The following PRUNE2 variants were observed in gnomAD, a reference collection of about 807,000 sequenced individuals.
The protein encoded by PRUNE2 is protein prune homolog 2.
Under a neutral mutation model 252.0 loss-of-function variants are expected in PRUNE2, and 164 were observed. The ratio of observed to expected loss-of-function variants is 0.65; its 90% CI spans 0.57 to 0.74. PRUNE2 has a LOEUF of 0.74. Among genes scored for constraint, PRUNE2 ranks in the 30% least tolerant of loss-of-function variants. The probability of loss-of-function intolerance (pLI) is 0.00; values close to 1 mark genes in which losing one functional copy is unlikely to be tolerated. For missense variants in PRUNE2, 3,495 were observed against 3,711.0 expected, an observed-to-expected ratio of 0.94 and a Z score of 1.51; for synonymous variants, 1,292 against 1,350.2, an observed-to-expected ratio of 0.96 and a Z score of 0.94.
intron 15 of PRUNE2, among the ~76,000 whole-genome samples, chr9:76,631,432 G>C (rs1199569115): frequency 6.6e-6 from 1 of 152,110 alleles, no homozygotes; most frequent in East Asian, 1.9e-4. Flanking sequence ...AACTCACCTG[G>C]AGGGAAGGCC....
At chr9:76,886,171 C>G (rs187629292) in intron 1 of PRUNE2, among the ~76,000 whole-genome samples, 178 of 147,390 alleles carry the variant, frequency 1.2e-3, no homozygotes, top group African/African-American at 4.3e-3. Context: ...GGCGACAGAG[C>G]GAGACTCCGT....
At chr9:76,766,194 A>C (rs921290227) in intron 6 of PRUNE2, among the ~76,000 whole-genome samples, 4 of 151,826 alleles carry the variant, frequency 2.6e-5, no homozygotes, top group Admixed American at 6.6e-5. Flanking sequence ...AAAAAAAAAA[A>C]AAAACTCTTT....
At chr9:76,755,192 ATG>A (rs575444607) in intron 6 of PRUNE2, among the ~76,000 whole-genome samples, 4 of 152,082 alleles carry the variant, frequency 2.6e-5, no homozygotes, top group Non-Finnish European at 4.4e-5. Flanking sequence ...TTAATTGTTT[ATG>A]TGTTTGCTAT....
At chr9:76,665,348 G>A (rs1047224185) in intron 9 of PRUNE2, among the ~76,000 whole-genome samples, 2 of 151,932 alleles carry the variant, frequency 1.3e-5, no homozygotes, top group African/African-American at 2.4e-5. Flanking sequence ...CCACAGAATC[G>A]GGATCTGGGA....
chr9:76,730,588 A>G (rs1383646753), intron 6 of PRUNE2, among the ~76,000 whole-genome samples: 1 of 152,100 alleles, frequency 6.6e-6, no homozygotes, highest in Admixed American at 6.5e-5. Flanking sequence ...AAAAAAGGAG[A>G]GGTTCTACCC....
intron 6 of PRUNE2, among the ~76,000 whole-genome samples, chr9:76,766,983 T>C (rs1369110320): frequency 6.6e-6 from 1 of 152,198 alleles, no homozygotes; most frequent in East Asian, 1.9e-4. Flanking sequence ...TCGCCACACC[T>C]TCCCCCCAAG....
chr9:76,855,796 T>C (rs180754072), intron 1 of PRUNE2, among the ~76,000 whole-genome samples: 85 of 152,308 alleles, frequency 5.6e-4, no homozygotes, highest in African/African-American at 1.8e-3. Context: ...CCCTTGTCAC[T>C]ACCAAATCTA....
In PRUNE2 at chr9:76,713,689, G is replaced by A. The variant is rs531519643; in HGVS notation, c.789C>T (p.Asp263=). Residue 263 remains aspartate (D), a synonymous_variant, in exon 7 of 19, where the codon GAC becomes GAT. Coordinates refer to ENST00000376718, the MANE Select transcript of PRUNE2 (RefSeq NM_015225.3). The part of the protein sequence containing the change: ...NCLFHSNITS[D]LKAFTDKFGF... ...CAAACTTGTCTGTAAATGCTTTCAA[G>A]TCACTGGTAATATTGCTGTGAAATA... 1 of 1,599,556 alleles carries A rather than the reference G, an allele frequency of 6.3e-7. No individual in the cohort carries two copies. The highest frequency in any genetic ancestry group is 1.1e-5 in the South Asian group (1 of 88,154).
At chr9:76,903,834 C>T (rs779873537) in intron 1 of PRUNE2, among the ~76,000 whole-genome samples, 1 of 152,092 alleles carries the variant, frequency 6.6e-6, no homozygotes, top group African/African-American at 2.4e-5. Context: ...GTGATCCACC[C>T]GCCTCAGCCT....
intron 6 of PRUNE2, among the ~76,000 whole-genome samples, chr9:76,749,133 A>C (rs2050391003): frequency 6.6e-6 from 1 of 152,236 alleles, no homozygotes; most frequent in Non-Finnish European, 1.5e-5. Flanking sequence ...CGTCGGTTCC[A>C]TGTAGAAACT....
chr9:76,780,609 T>C (rs900961454), intron 6 of PRUNE2, among the ~76,000 whole-genome samples: 13 of 152,086 alleles, frequency 8.5e-5, no homozygotes, highest in Admixed American at 2.6e-4. Context: ...GAGAATGGCG[T>C]GAACCCAGGA....
intron 6 of PRUNE2, among the ~76,000 whole-genome samples, chr9:76,717,537 A>G (rs1182916948): frequency 2.0e-5 from 3 of 152,134 alleles, no homozygotes; most frequent in Non-Finnish European, 4.4e-5. Flanking sequence ...ATGTATACAA[A>G]TACTATTTGT....
At position 76,777,250 on chromosome 9, in the gene PRUNE2, G is replaced by A. The variant is rs569181244; in HGVS notation, c.756+46382C>T. On this transcript the variant is annotated intron_variant, in intron 6 of 18. Transcript: ENST00000376718. Reference sequence around the variant, plus strand: ...GGATTCCACAATGAAGTAGGAGAGGGGTGCCAACCTCAGTTTTAGTAGGGA... The same window carrying A: ...GGATTCCACAATGAAGTAGGAGAGGAGTGCCAACCTCAGTTTTAGTAGGGA... Among the ~76,000 whole-genome samples the A allele has an allele frequency of 3.9e-5, 6 of 152,252 alleles. No homozygotes were observed. In the South Asian group the frequency reaches 1.0e-3, roughly 26 times the overall value.
At chr9:76,893,031 A>G (rs115088122) in intron 1 of PRUNE2, among the ~76,000 whole-genome samples, 3 of 152,182 alleles carry the variant, frequency 2.0e-5, no homozygotes, top group Non-Finnish European at 2.9e-5. Flanking sequence ...GAACATGACA[A>G]AAGTTCGAGA....
chr9:76,712,645 G>A (rs1001824674), intron 7 of PRUNE2, among the ~76,000 whole-genome samples: 1 of 152,238 alleles, frequency 6.6e-6, no homozygotes, highest in African/African-American at 2.4e-5. Flanking sequence ...CCGCCATGTT[G>A]TAGGCTTCCA....
intron 9 of PRUNE2, chr9:76,692,220 G>A (rs1220652183): frequency 8.4e-6 from 6 of 712,014 alleles, no homozygotes; most frequent in Non-Finnish European, 1.6e-5. Context: ...ATCTAAATAA[G>A]GATGATCACC....
intron 6 of PRUNE2, among the ~76,000 whole-genome samples, chr9:76,752,392 C>T (rs934032600): frequency 2.0e-5 from 3 of 152,216 alleles, no homozygotes; most frequent in South Asian, 2.1e-4. Context: ...CCACCGCGCC[C>T]GGCAACTCAC....
At chr9:76,664,981 T>C (rs634063) in intron 9 of PRUNE2, among the ~76,000 whole-genome samples, 143,716 of 152,216 alleles carry the variant, frequency 0.94, 68,107 homozygotes, top group Non-Finnish European at 0.99. Context: ...TATAAATTTA[T>C]GTCATCCTCT....
At chr9:76,752,319 G>A (rs951220574) in intron 6 of PRUNE2, among the ~76,000 whole-genome samples, 5 of 152,016 alleles carry the variant, frequency 3.3e-5, no homozygotes, top group South Asian at 2.1e-4. Context: ...GGATGGTCGC[G>A]ATCTCCTGAC....
Sources: allele counts gnomAD v4.1 joint callset (sites outside exome capture counted in the v4.1 genomes callset), GRCh38; gene constraint gnomAD v4.1.1; transcripts MANE v1.5; gene names NCBI Gene and HGNC (gene_info 2026-07-23, HGNC 2026-07-21).